The following TMEM272 variants were observed in gnomAD, a reference collection of about 807,000 sequenced individuals.
The protein encoded by TMEM272 is transmembrane protein 272.
In TMEM272, 8 loss-of-function variants were observed where a neutral mutation model predicts 3.7. The observed-to-expected ratio is 2.17, with a 90% CI of 1.27 to 3.91. The LOEUF (loss-of-function observed/expected upper bound fraction) is 3.91. TMEM272 is among the 30% of genes most tolerant of loss of function. The probability of loss-of-function intolerance (pLI) is 0.00; values close to 1 mark genes in which losing one functional copy is unlikely to be tolerated. For synonymous variants in TMEM272, 63 were observed against 39.8 expected, an observed-to-expected ratio of 1.58 and a Z score of -2.20; for missense variants, 166 against 91.5, an observed-to-expected ratio of 1.81 and a Z score of -3.32.
chr13:51,933,898 A>G, the TMEM272 span: 1 of 152,076 alleles, frequency 6.6e-6, no homozygotes. Flanking sequence ...GAGAACCTAC[A>G]CCCCACAGGA....
At chr13:51,843,154 GC>G (rs892712157) in intron 1 of TMEM272, among the ~76,000 whole-genome samples, 1 of 152,106 alleles carries the variant, frequency 6.6e-6, no homozygotes, top group African/African-American at 2.4e-5. Flanking sequence ...GTGATATTTT[GC>G]CAATTCTTTC....
chr13:51,909,205 CATT>C, the TMEM272 span: 1 of 1,304,176 alleles, frequency 7.7e-7, no homozygotes, highest in Non-Finnish European at 1.1e-6. Flanking sequence ...TTCCTTAAAT[CATT>C]GAGGTTTCTT....
intron 2 of TMEM272, among the ~76,000 whole-genome samples, chr13:51,828,715 C>T (rs541348965): frequency 9.7e-4 from 148 of 152,296 alleles, no homozygotes; most frequent in Non-Finnish European, 1.7e-3. Flanking sequence ...TTGGACAGGA[C>T]AGTGAGGAAT....
the TMEM272 span, among the ~76,000 whole-genome samples, chr13:51,868,507 G>A: frequency 3.3e-5 from 5 of 152,254 alleles, no homozygotes; most frequent in South Asian, 1.0e-3. Flanking sequence ...ATAGAGTGCA[G>A]ATAACATTCA....
chr13:51,867,896 C>T, the TMEM272 span, among the ~76,000 whole-genome samples: 1 of 152,116 alleles, frequency 6.6e-6, no homozygotes, highest in African/African-American at 2.4e-5. Context: ...CTGCAGGAAC[C>T]CCAGTGCAGA....
chr13:51,865,602 AG>A, the TMEM272 span: 3 of 1,614,142 alleles, frequency 1.9e-6, no homozygotes, highest in Admixed American at 5.0e-5. Context: ...TTCCGAGGCA[AG>A]ATCCATGCTT....
the TMEM272 span, among the ~76,000 whole-genome samples, chr13:51,891,497 A>C: frequency 6.6e-6 from 1 of 152,200 alleles, no homozygotes; most frequent in African/African-American, 2.4e-5. Context: ...AATTGCCCTG[A>C]AGCAGAAATT....
the TMEM272 span, among the ~76,000 whole-genome samples, chr13:51,854,156 G>A: frequency 2.0e-5 from 3 of 152,102 alleles, no homozygotes; most frequent in South Asian, 2.1e-4. Context: ...CCGTGAGCTC[G>A]CTGATGTTAA....
chr13:51,882,017 GACA>G, the TMEM272 span, among the ~76,000 whole-genome samples: 1 of 152,188 alleles, frequency 6.6e-6, no homozygotes, highest in East Asian at 1.9e-4. Context: ...AGAATTTAAA[GACA>G]ACGATAAAGA....
intron 3 of TMEM272, among the ~76,000 whole-genome samples, chr13:51,825,524 G>C (rs80044028): frequency 6.6e-6 from 1 of 151,992 alleles, no homozygotes; most frequent in African/African-American, 2.4e-5. Flanking sequence ...TGGGTGTTTC[G>C]TTGTTGCTGT....
At chr13:51,927,782 C>A in the TMEM272 span, among the ~76,000 whole-genome samples, 1 of 152,130 alleles carries the variant, frequency 6.6e-6, no homozygotes, top group Non-Finnish European at 1.5e-5. Flanking sequence ...CTTGGGGATG[C>A]CCCATCAGTG....
chr13:51,839,191 C>T (rs1956240684), intron 1 of TMEM272, among the ~76,000 whole-genome samples: 1 of 152,194 alleles, frequency 6.6e-6, no homozygotes, highest in Non-Finnish European at 1.5e-5. Flanking sequence ...TGTGGACCTG[C>T]TGTGGTCTGA....
the TMEM272 span, among the ~76,000 whole-genome samples, chr13:51,871,825 CACACACACACACACACACAA>C: frequency 4.3e-4 from 64 of 149,222 alleles, no homozygotes; most frequent in African/African-American, 1.5e-3. Context: ...CACACACACA[CACACACACACACACACACAA>C]ACAGAGACGC....
the TMEM272 span, among the ~76,000 whole-genome samples, chr13:51,897,276 G>C: frequency 6.6e-6 from 1 of 150,676 alleles, no homozygotes; most frequent in Non-Finnish European, 1.5e-5. Context: ...ATGACTCACT[G>C]TAGCCCTGAC....
At chr13:51,859,894 A>ATTTT in the TMEM272 span, among the ~76,000 whole-genome samples, 1 of 148,608 alleles carries the variant, frequency 6.7e-6, no homozygotes, top group Non-Finnish European at 1.5e-5. Flanking sequence ...CTGTTATTCT[A>ATTTT]TTTTTTTTTT....
the TMEM272 span, chr13:51,909,911 A>C: frequency 1.9e-6 from 3 of 1,600,804 alleles, no homozygotes; most frequent in South Asian, 3.3e-5. Flanking sequence ...TATTAAGTTC[A>C]CTCACTTGTT....
chr13:51,896,104 G>A, the TMEM272 span, among the ~76,000 whole-genome samples: 1 of 152,118 alleles, frequency 6.6e-6, no homozygotes, highest in Admixed American at 6.5e-5. Context: ...GCAAACCCCA[G>A]GGCCCCAGTC....
At chr13:51,913,598 C>A in the TMEM272 span, among the ~76,000 whole-genome samples, 1 of 152,184 alleles carries the variant, frequency 6.6e-6, no homozygotes, top group Admixed American at 6.5e-5. Flanking sequence ...TGATGTCGGA[C>A]GCTCTAGGCT....
the TMEM272 span, among the ~76,000 whole-genome samples, chr13:51,851,571 C>T: frequency 7.6e-6 from 1 of 131,172 alleles, no homozygotes; most frequent in African/African-American, 3.0e-5. Flanking sequence ...GTTACCCAGG[C>T]TAGAGTGCAG....
Sources: gnomAD v4.1 joint callset for allele counts (sites outside exome capture counted in the v4.1 genomes callset) on GRCh38, gnomAD v4.1.1 for gene constraint, MANE v1.5 for transcripts, NCBI Gene and HGNC (gene_info 2026-07-23, HGNC 2026-07-21) for gene names.